Variants in LHFPL3 observed in about 807,000 individuals in gnomAD.
The protein encoded by LHFPL3 is LHFPL tetraspan subfamily member 3.
In LHFPL3, 5 loss-of-function variants were observed where a neutral mutation model predicts 19.3. That is an observed-to-expected ratio of 0.26 (90% CI 0.14 to 0.54). The LOEUF is 0.54. Among genes scored for constraint, LHFPL3 ranks in the 20% least tolerant of loss-of-function variants. The pLI is 0.94. For missense variants in LHFPL3, 249 were observed against 307.4 expected, an observed-to-expected ratio of 0.81 and a Z score of 1.42; for synonymous variants, 133 against 126.2, an observed-to-expected ratio of 1.05 and a Z score of -0.36.
intron 1 of LHFPL3, among the ~76,000 whole-genome samples, chr7:104,496,754 T>A (rs1295981110): frequency 3.9e-5 from 6 of 152,212 alleles, no homozygotes; most frequent in Non-Finnish European, 8.8e-5. Flanking sequence ...TTAAATATAA[T>A]GAAATGAAGC....
chr7:104,751,291 T>C (rs1442645885), intron 2 of LHFPL3, among the ~76,000 whole-genome samples: 2 of 150,926 alleles, frequency 1.3e-5, no homozygotes, highest in Non-Finnish European at 2.9e-5. Context: ...CAATTGACTT[T>C]TGAGCAACAT....
chr7:104,417,884 CTT>C (rs762794916), intron 1 of LHFPL3, among the ~76,000 whole-genome samples: 46 of 117,718 alleles, frequency 3.9e-4, no homozygotes, highest in South Asian at 3.0e-3. Context: ...TCTTCTTCTT[CTT>C]TTTTTTTTTT....
intron 1 of LHFPL3, among the ~76,000 whole-genome samples, chr7:104,661,977 A>G (rs1792231201): frequency 6.6e-6 from 1 of 152,182 alleles, no homozygotes; most frequent in Non-Finnish European, 1.5e-5. Context: ...TGAGATACCT[A>G]CAAAATGGCT....
intron 1 of LHFPL3, among the ~76,000 whole-genome samples, chr7:104,530,693 A>G (rs1215051657): frequency 6.6e-6 from 1 of 152,234 alleles, no homozygotes; most frequent in Admixed American, 6.5e-5. Flanking sequence ...ATAAATTACT[A>G]GCTGCTTTAA....
rs1790189489 is a variant in LHFPL3 at position 104,569,650 on chromosome 7, A to G, written c.446-167025A>G. On this transcript the variant is annotated intron_variant, in intron 1 of 2. Coordinates refer to ENST00000424859, the MANE Select transcript of LHFPL3 (RefSeq NM_199000.3). ...TAATAAAAACAGTTGTAAATAATATATTCTTAATGATGGCTAATATTTTTA... is the reference window on the plus strand; with the variant it reads ...TAATAAAAACAGTTGTAAATAATATGTTCTTAATGATGGCTAATATTTTTA... Among the ~76,000 whole-genome samples the G allele has an allele frequency of 2.0e-5, 3 of 152,198 alleles. No homozygotes were observed. The South Asian group carries it at 6.2e-4, about 32-fold the overall frequency.
chr7:104,575,890 T>C (rs1362242172), intron 1 of LHFPL3, among the ~76,000 whole-genome samples: 1 of 152,152 alleles, frequency 6.6e-6, no homozygotes, highest in South Asian at 2.1e-4. Flanking sequence ...TCACCAGAAC[T>C]TCCATCTAGA....
chr7:104,374,376 G>T (rs923165104), intron 1 of LHFPL3, among the ~76,000 whole-genome samples: 3 of 151,854 alleles, frequency 2.0e-5, no homozygotes, highest in African/African-American at 7.3e-5. Flanking sequence ...CGAGTAGCTG[G>T]GACTACAGGC....
chr7:104,586,628 A>G (rs774278957), intron 1 of LHFPL3, among the ~76,000 whole-genome samples: 5 of 152,154 alleles, frequency 3.3e-5, no homozygotes, highest in Admixed American at 6.6e-5. Context: ...TTGACTTTAT[A>G]TATTTTTTAA....
chr7:104,801,134 A>G (rs2116475068), intron 2 of LHFPL3, among the ~76,000 whole-genome samples: 1 of 152,326 alleles, frequency 6.6e-6, no homozygotes, highest in Admixed American at 6.5e-5. Flanking sequence ...TCTAGAAGAG[A>G]CTTAAGATCT....
chr7:104,356,973 T>C (rs1016284657), intron 1 of LHFPL3, among the ~76,000 whole-genome samples: 8 of 152,114 alleles, frequency 5.3e-5, no homozygotes, highest in African/African-American at 1.7e-4. Context: ...CAGAGTGTTG[T>C]AGAAGCTTAA....
chr7:104,881,132 T>C (rs1435983421), intron 2 of LHFPL3, among the ~76,000 whole-genome samples: 4 of 138,764 alleles, frequency 2.9e-5, no homozygotes, highest in African/African-American at 1.1e-4. Context: ...ATAGCACCAC[T>C]GCACTCCAGC....
intron 1 of LHFPL3, among the ~76,000 whole-genome samples, chr7:104,728,711 A>G (rs2116271704): frequency 6.6e-6 from 1 of 152,228 alleles, no homozygotes; most frequent in South Asian, 2.1e-4. Flanking sequence ...ACAACATACA[A>G]CTATTTTATT....
intron 1 of LHFPL3, among the ~76,000 whole-genome samples, chr7:104,612,238 A>G (rs760333327): frequency 7.9e-5 from 12 of 152,200 alleles, no homozygotes; most frequent in Admixed American, 1.3e-4. Context: ...AGGACTTTCA[A>G]TGTGTTATTT....
chr7:104,413,406 C>T (rs1791568389), intron 1 of LHFPL3, among the ~76,000 whole-genome samples: 1 of 152,148 alleles, frequency 6.6e-6, no homozygotes, highest in Non-Finnish European at 1.5e-5. Flanking sequence ...GTTATACTGG[C>T]CAAGACTTAT....
At chr7:104,594,708 C>T (rs555914157) in intron 1 of LHFPL3, among the ~76,000 whole-genome samples, 3 of 152,264 alleles carry the variant, frequency 2.0e-5, no homozygotes, top group African/African-American at 7.2e-5. Flanking sequence ...TCACATAGTC[C>T]AATATTCCTT....
At chr7:104,542,910 C>T (rs1794514813) in intron 1 of LHFPL3, among the ~76,000 whole-genome samples, 1 of 152,094 alleles carries the variant, frequency 6.6e-6, no homozygotes, top group African/African-American at 2.4e-5. Flanking sequence ...CCCAAATGCC[C>T]ATCAGTGATA....
rs374495420 is a variant in LHFPL3 at position 104,902,509 on chromosome 7, G to A, written c.683-3678G>A. Among the ~76,000 whole-genome samples the A allele has an allele frequency of 3.9e-5, 6 of 152,138 alleles. No homozygotes were observed. The South Asian group carries it at 6.2e-4, about 16-fold the overall frequency. On this transcript the variant is annotated intron_variant, in intron 2 of 2. Transcript: ENST00000424859. Reference sequence around the variant, plus strand: ...GACTAATCAATAGTGAGATTAGGCCGGGTGCGGTGGCTCACTCCTATAATC... The same window carrying A: ...GACTAATCAATAGTGAGATTAGGCCAGGTGCGGTGGCTCACTCCTATAATC...
intron 2 of LHFPL3, among the ~76,000 whole-genome samples, chr7:104,833,052 A>C (rs367872136): frequency 0.08 from 559 of 6,976 alleles, 35 homozygotes; most frequent in South Asian, 0.14. Flanking sequence ...TATTATATAT[A>C]TATTATATAT....
chr7:104,462,999 C>T (rs1792703438), intron 1 of LHFPL3, among the ~76,000 whole-genome samples: 2 of 152,064 alleles, frequency 1.3e-5, no homozygotes, highest in South Asian at 4.1e-4. Flanking sequence ...GAATTCATCT[C>T]TTGTAGTTTT....
Sources: allele counts gnomAD v4.1 joint callset (sites outside exome capture counted in the v4.1 genomes callset), GRCh38; gene constraint gnomAD v4.1.1; transcripts MANE v1.5; gene names NCBI Gene and HGNC (gene_info 2026-07-23, HGNC 2026-07-21).